Variants in SNX4 observed in about 807,000 individuals in gnomAD.
SNX4 encodes sorting nexin-4.
Under a neutral mutation model 70.8 loss-of-function variants are expected in SNX4, and 49 were observed. That is an observed-to-expected ratio of 0.69 (90% CI 0.55 to 0.88). The LOEUF is 0.88. Ranked by LOEUF, SNX4 falls within the 40% of genes least tolerant of loss-of-function variation. SNX4 has a pLI of 0.00. For synonymous variants in SNX4, 206 were observed against 183.8 expected (o/e 1.12, Z -0.98); for missense variants, 528 against 544.8 (o/e 0.97, Z 0.31).
intron 6 of SNX4, among the ~76,000 whole-genome samples, chr3:125,484,050 T>C (rs1934471999): frequency 6.6e-6 from 1 of 152,166 alleles, no homozygotes; most frequent in Non-Finnish European, 1.5e-5. Context: ...GATGGTGACA[T>C]AAAACTTCCC....
chr3:125,476,815 A>G, intron 7 of SNX4, 59 bp from the exon 8 acceptor site: 1 of 1,015,428 alleles, frequency 9.8e-7, no homozygotes, highest in Non-Finnish European at 1.5e-6. Context: ...TCATCTAAAA[A>G]ATAGACCCAA....
chr3:125,453,792 A>G lies in SNX4; in HGVS notation c.1190+18T>C, dbSNP rs371500614. 21 of 1,611,980 alleles carry G rather than the reference A, an allele frequency of 1.3e-5. No homozygotes were observed. The highest frequency in any genetic ancestry group is 2.2e-5 in the South Asian group (2 of 90,806). On this transcript the variant is annotated intron_variant, in intron 12 of 13. Transcript: ENST00000251775. ...TAGTCTACAAGCCTAGCTTACTTAA[A>G]CATCGCAGCATCTTTACCTGCCTTC...
chr3:125,473,769 C>T (rs1049116980), intron 8 of SNX4, among the ~76,000 whole-genome samples: 3 of 152,192 alleles, frequency 2.0e-5, no homozygotes, highest in African/African-American at 7.2e-5. Context: ...GTTCCCTTCA[C>T]TTGCTTGACT....
chr3:125,459,677 G>C (rs964593334), intron 10 of SNX4, among the ~76,000 whole-genome samples: 1 of 152,068 alleles, frequency 6.6e-6, no homozygotes, highest in African/African-American at 2.4e-5. Flanking sequence ...GGCCTCAGGT[G>C]ATCCATCCGC....
At chr3:125,502,992 T>C (rs1392853583) in intron 2 of SNX4, among the ~76,000 whole-genome samples, 1 of 151,550 alleles carries the variant, frequency 6.6e-6, no homozygotes, top group Non-Finnish European at 1.5e-5. Context: ...CAATCTCAGC[T>C]TACTGCAATC....
chr3:125,466,780 ACT>A (rs1358446070), intron 9 of SNX4, among the ~76,000 whole-genome samples: 1 of 151,466 alleles, frequency 6.6e-6, no homozygotes, highest in Admixed American at 6.6e-5. Context: ...ACAGAGTAAG[ACT>A]CTGTTTAAAA....
intron 5 of SNX4, among the ~76,000 whole-genome samples, chr3:125,494,336 C>T (rs1261007962): frequency 6.6e-6 from 1 of 152,100 alleles, no homozygotes. Context: ...TTAGTCTAGA[C>T]TTGGATTCAG....
At chr3:125,501,617 C>CT (rs199526171) in intron 2 of SNX4, among the ~76,000 whole-genome samples, 2,443 of 148,656 alleles carry the variant, frequency 0.016, 64 homozygotes, top group African/African-American at 0.056. Context: ...GAGACTCCAC[C>CT]TTAAAAAAAA....
At chr3:125,460,988 G>A in intron 9 of SNX4, 128 bp from the exon 10 acceptor site, 1 of 369,370 alleles carries the variant, frequency 2.7e-6, no homozygotes, top group Non-Finnish European at 4.9e-6. Flanking sequence ...CACTTTGGGA[G>A]GCCAAGAAGG....
At chr3:125,500,847 G>A (rs1401358743) in intron 2 of SNX4, among the ~76,000 whole-genome samples, 3 of 112,244 alleles carry the variant, frequency 2.7e-5, no homozygotes, top group African/African-American at 7.0e-5. Context: ...TTGGAAGCTA[G>A]AGTTAACACT....
At chr3:125,518,084 TTCAATTAATAAAAGACATA>T (rs1383441635) in intron 1 of SNX4, among the ~76,000 whole-genome samples, 1 of 152,192 alleles carries the variant, frequency 6.6e-6, no homozygotes, top group Non-Finnish European at 1.5e-5. Flanking sequence ...ATAGTGTTCT[TTCAATTAATAAAAGACATA>T]TATAATGCCT....
chr3:125,451,815 C>G (rs1431978110), intron 12 of SNX4, among the ~76,000 whole-genome samples: 2 of 151,926 alleles, frequency 1.3e-5, no homozygotes, highest in Non-Finnish European at 2.9e-5. Context: ...TTAGTAGAGA[C>G]AGGGTTTCAC....
At chr3:125,479,669 T>C (rs112902458) in intron 7 of SNX4, among the ~76,000 whole-genome samples, 2 of 152,304 alleles carry the variant, frequency 1.3e-5, no homozygotes, top group African/African-American at 4.8e-5. Flanking sequence ...GGCACAGGCA[T>C]GTTCTAAGGT....
chr3:125,495,283 T>TCC (rs1934767667), intron 5 of SNX4, among the ~76,000 whole-genome samples: 1 of 87,806 alleles, frequency 1.1e-5, no homozygotes, highest in Non-Finnish European at 2.7e-5. Context: ...TATATACACA[T>TCC]ACACACACAC....
intron 5 of SNX4, among the ~76,000 whole-genome samples, chr3:125,492,823 C>G (rs1934693424): frequency 6.6e-6 from 1 of 152,114 alleles, no homozygotes; most frequent in Non-Finnish European, 1.5e-5. Flanking sequence ...TTGGATCTCT[C>G]AGAGTTCCTG....
At chr3:125,478,060 C>CTTCTTA (rs1553726348) in intron 7 of SNX4, among the ~76,000 whole-genome samples, 5 of 149,114 alleles carry the variant, frequency 3.4e-5, no homozygotes, top group Non-Finnish European at 5.9e-5. Flanking sequence ...TCTTCTTCTT[C>CTTCTTA]TTATTATTAT....
At chr3:125,470,500 A>C (rs181066346) in intron 8 of SNX4, among the ~76,000 whole-genome samples, 59 of 151,468 alleles carry the variant, frequency 3.9e-4, no homozygotes, top group African/African-American at 1.3e-3. Flanking sequence ...AAAAAAAAAA[A>C]AACAAAAAAC....
At chr3:125,479,167 T>C (rs1008124152) in intron 7 of SNX4, among the ~76,000 whole-genome samples, 8 of 152,134 alleles carry the variant, frequency 5.3e-5, no homozygotes, top group South Asian at 2.1e-4. Context: ...AATTACTATA[T>C]AGCCAAACTC....
At position 125,520,167 on chromosome 3, in the gene SNX4, C is replaced by G. The variant is rs534905712; in HGVS notation, c.6G>C (p.Glu2Asp). 27 of 1,392,210 alleles carry G rather than the reference C, an allele frequency of 1.9e-5. No homozygotes were observed. The highest frequency in any genetic ancestry group is 2.3e-5 in the Non-Finnish European group (25 of 1,077,552). 86.2% of individuals were successfully genotyped at this position (1,392,210 alleles called of 1,614,324 possible). ...GCCGCTCGGGGTCCGGAGGTGCCTG[C>G]TCCATGGCTGCAGTTCGGCGCGGCG... is the stretch of plus-strand genomic sequence containing the variant. M[E>D]QAPPDPERQL... The change falls in exon 1 of 14, where the codon GAG (glutamate) becomes GAC (aspartate). Residue 2 changes from glutamate (E) to aspartate (D), a missense_variant. Glu to Asp is a conservative substitution (Grantham distance 45, BLOSUM62 2). Coordinates refer to ENST00000251775, the MANE Select transcript of SNX4 (RefSeq NM_003794.4).
Sources: gnomAD v4.1 joint callset for allele counts (sites outside exome capture counted in the v4.1 genomes callset) on GRCh38, gnomAD v4.1.1 for gene constraint, MANE v1.5 for transcripts, NCBI Gene and HGNC (gene_info 2026-07-23, HGNC 2026-07-21) for gene names.